The following VPS35L variants were observed in gnomAD, a reference collection of about 807,000 sequenced individuals.
VPS35L encodes the protein VPS35 endosomal protein-sorting factor-like.
In VPS35L, 83 loss-of-function variants were observed where a neutral mutation model predicts 133.0. The ratio of observed to expected loss-of-function variants is 0.62; its 90% CI spans 0.52 to 0.75. The LOEUF is 0.75. Among genes scored for constraint, VPS35L ranks in the 30% least tolerant of loss-of-function variants. The probability of loss-of-function intolerance (pLI) is 0.00; values close to 1 mark genes in which losing one functional copy is unlikely to be tolerated. For synonymous variants in VPS35L, 423 were observed against 449.9 expected (o/e 0.94, Z 0.76); for missense variants, 1,083 against 1,206.8 (o/e 0.90, Z 1.52).
intron 29 of VPS35L, among the ~76,000 whole-genome samples, chr16:19,693,124 T>C (rs934983377): frequency 6.6e-6 from 1 of 152,202 alleles, no homozygotes; most frequent in African/African-American, 2.4e-5. Flanking sequence ...CTGAGCAAGT[T>C]AGTGCCTGGA....
intron 28 of VPS35L, among the ~76,000 whole-genome samples, chr16:19,685,006 C>T (rs533319010): frequency 4.7e-5 from 7 of 150,162 alleles, no homozygotes; most frequent in Non-Finnish European, 1.0e-4. Flanking sequence ...GAGCCAAGAT[C>T]ACACCACTGA....
At chr16:19,573,378 T>C in intron 4 of VPS35L, 137 bp downstream of exon 4, 2 of 991,294 alleles carry the variant, frequency 2.0e-6, no homozygotes, top group South Asian at 1.7e-5. Context: ...AGCTCACATA[T>C]AAGGCTTCAT....
chr16:19,636,196 A>G (rs1367768151), intron 19 of VPS35L, among the ~76,000 whole-genome samples: 1 of 152,148 alleles, frequency 6.6e-6, no homozygotes, highest in East Asian at 1.9e-4. Flanking sequence ...TCAAAAAATA[A>G]TAATAAAACA....
intron 7 of VPS35L, among the ~76,000 whole-genome samples, chr16:19,590,138 C>T (rs1971997578): frequency 4.7e-5 from 1 of 21,094 alleles, no homozygotes; most frequent in African/African-American, 1.6e-4. Context: ...ATTCCCGCCC[C>T]GCCCCCCCCC....
chr16:19,590,911 C>T (rs908805774), intron 7 of VPS35L, among the ~76,000 whole-genome samples: 2 of 152,102 alleles, frequency 1.3e-5, no homozygotes, highest in Non-Finnish European at 2.9e-5. Context: ...GCTATGATTG[C>T]ACCAATGCAC....
chr16:19,561,333 T>C (rs1192907261), intron 1 of VPS35L, among the ~76,000 whole-genome samples: 5 of 152,164 alleles, frequency 3.3e-5, no homozygotes, highest in Admixed American at 1.3e-4. Context: ...ATCGCGCCAC[T>C]GCACTCCAGC....
chr16:19,661,616 G>A (rs1974488089), intron 26 of VPS35L, among the ~76,000 whole-genome samples: 1 of 152,272 alleles, frequency 6.6e-6, no homozygotes, highest in African/African-American at 2.4e-5. Context: ...TGGACTGACT[G>A]GGGAGCTTCA....
chr16:19,699,370 C>A lies in VPS35L; in HGVS notation c.2647-132C>A. The A allele has an allele frequency of 8.5e-7, 1 of 1,173,198 alleles. No individual in the cohort carries two copies. The highest frequency in any genetic ancestry group is 1.2e-6 in the Non-Finnish European group (1 of 839,458). 72.7% of individuals were successfully genotyped at this position (1,173,198 alleles called of 1,614,324 possible). ...TTGGGAGGTTCAGCAGCTTGCCCTACAGCAAATACATGGCAGAGCTGGCAC... is the reference window on the plus strand; with the variant it reads ...TTGGGAGGTTCAGCAGCTTGCCCTAAAGCAAATACATGGCAGAGCTGGCAC... On this transcript the variant is annotated intron_variant, in intron 29 of 30. Coordinates refer to ENST00000417362, the MANE Select transcript of VPS35L (RefSeq NM_020314.7). This position sits in a 1 kb window ranked among gnomAD's most constrained non-coding sequence, Gnocchi z 4.2.
intron 8 of VPS35L, among the ~76,000 whole-genome samples, chr16:19,594,644 C>CAAAAAAAAAAAAAAAA (rs57187565): frequency 9.5e-5 from 3 of 31,494 alleles, no homozygotes; most frequent in Non-Finnish European, 1.3e-4. Context: ...GATTTCGTCT[C>CAAAAAAAAAAAAAAAA]AAAAAAAAAA....
At chr16:19,556,946 G>A (rs542351395) in intron 1 of VPS35L, among the ~76,000 whole-genome samples, 20 of 152,084 alleles carry the variant, frequency 1.3e-4, no homozygotes, top group African/African-American at 4.3e-4. Context: ...CCAACATGGC[G>A]AAACCTAATC....
rs747522933 is a variant in VPS35L at position 19,700,438 on chromosome 16, G to A, written c.2854G>A (p.Glu952Lys). Residue 952 changes from glutamate (E) to lysine (K), a missense_variant, in exon 31 of 31, where the codon GAG (glutamate) becomes AAG (lysine). Coordinates refer to ENST00000417362, the MANE Select transcript of VPS35L (RefSeq NM_020314.7). ...ACAACCAGACATGACTCATCTGACG[G>A]AGCTGGCCCTCAGACTCCCTCTGCA... ...SKQPDMTHLT[E>K]LALRLPLQTR... 5 of 1,614,176 alleles carry A rather than the reference G, an allele frequency of 3.1e-6. No individual in the cohort carries two copies. The Admixed American group carries it at 8.3e-5, about 27-fold the overall frequency.
At chr16:19,687,587 G>A (rs1975506894) in intron 28 of VPS35L, among the ~76,000 whole-genome samples, 1 of 152,176 alleles carries the variant, frequency 6.6e-6, no homozygotes, top group Admixed American at 6.6e-5. Flanking sequence ...TCCCAGCAGA[G>A]TCCCCATAAA....
At chr16:19,610,695 T>C (rs1972689203) in intron 12 of VPS35L, among the ~76,000 whole-genome samples, 1 of 152,212 alleles carries the variant, frequency 6.6e-6, no homozygotes, top group African/African-American at 2.4e-5. Context: ...GTTTCTCAGT[T>C]CTTGCTGGGA....
At position 19,691,381 on chromosome 16, in the gene VPS35L, A is replaced by C; in HGVS notation, c.2556A>C (p.Gly852=). ...KVDSNDSLYG[G]DSKFLAENNK... ...ACTCCAACGACAGCCTCTACGGGGG[A>C]GACTCCAAGTTCCTGGCAGAAAACA... The change falls in exon 29 of 31, where the codon GGA becomes GGC. Residue 852 remains glycine, a synonymous_variant. Coordinates refer to ENST00000417362, the MANE Select transcript of VPS35L (RefSeq NM_020314.7). The C allele has an allele frequency of 6.2e-7, 1 of 1,613,584 alleles. No individual in the cohort carries two copies. Among genetic ancestry groups the C allele is most frequent in the Non-Finnish European group, 8.5e-7 (1 of 1,179,716 alleles).
intron 5 of VPS35L, among the ~76,000 whole-genome samples, chr16:19,575,377 C>A (rs770781394): frequency 6.6e-6 from 1 of 151,970 alleles, no homozygotes; most frequent in Non-Finnish European, 1.5e-5. Context: ...ACCAGCCTGG[C>A]CAACATGGTG....
intron 28 of VPS35L, among the ~76,000 whole-genome samples, chr16:19,686,038 GTA>G (rs1318145767): frequency 1.3e-5 from 2 of 152,180 alleles, no homozygotes; most frequent in African/African-American, 4.8e-5. Flanking sequence ...AGGCAAGAGT[GTA>G]GTTTTCTAGC....
At chr16:19,655,068 A>G (rs931613589) in intron 26 of VPS35L, among the ~76,000 whole-genome samples, 22 of 152,160 alleles carry the variant, frequency 1.4e-4, no homozygotes, top group African/African-American at 4.3e-4. Context: ...TGTGCTTCCT[A>G]TAACGTCCTC....
At chr16:19,667,878 C>T (rs1974748726) in intron 26 of VPS35L, among the ~76,000 whole-genome samples, 1 of 151,884 alleles carries the variant, frequency 6.6e-6, no homozygotes, top group Admixed American at 6.6e-5. Context: ...GTACCCTGTT[C>T]ACAGTTGGGG....
chr16:19,628,709 C>T lies in VPS35L; in HGVS notation c.1456C>T (p.Leu486Phe). Residue 486 changes from leucine (L) to phenylalanine (F), a missense_variant, in exon 17 of 31, where the codon CTC becomes TTC. Coordinates refer to ENST00000417362, the MANE Select transcript of VPS35L (RefSeq NM_020314.7). ...TCCTGAGAGTGACCGACTTCAGATTCTCAACGAAGCTTGGAAAGTCATCAC... is the reference window on the plus strand; with the variant it reads ...TCCTGAGAGTGACCGACTTCAGATTTTCAACGAAGCTTGGAAAGTCATCAC... Reference protein sequence around the residue: ...DPPESDRLQILNEAWKVITKL... With the variant: ...DPPESDRLQIFNEAWKVITKL... 2 of 1,597,058 alleles carry T rather than the reference C, an allele frequency of 1.3e-6. No homozygotes were observed. Among genetic ancestry groups the T allele is most frequent in the Non-Finnish European group, 1.7e-6 (2 of 1,169,390 alleles).
Sources: gnomAD v4.1 joint callset for allele counts (sites outside exome capture counted in the v4.1 genomes callset) on GRCh38, gnomAD v4.1.1 for gene constraint, Gnocchi (gnomAD v3.1) non-coding constraint, MANE v1.5 for transcripts, NCBI Gene and HGNC (gene_info 2026-07-23, HGNC 2026-07-21) for gene names.